CDH5: variants seen among roughly 807,000 people sequenced by gnomAD.
The protein encoded by CDH5 is cadherin-5.
A neutral mutation model predicts 62.0 loss-of-function variants in CDH5; 28 were observed. The ratio of observed to expected loss-of-function variants is 0.45; its 90% CI spans 0.33 to 0.62. CDH5 has a LOEUF of 0.62. CDH5 is among the 20% of genes least tolerant of loss of function. CDH5 has a pLI of 0.02. For synonymous variants in CDH5, 464 were observed against 445.8 expected (o/e 1.04, Z -0.52); for missense variants, 940 against 1,065.1 (o/e 0.88, Z 1.63).
rs376258137 is a variant in CDH5 at position 66,398,550 on chromosome 16, C to T, written c.1580C>T (p.Thr527Met). 1.6e-4 allele frequency: 251 copies of T among 1,525,860 alleles called. No homozygotes were observed. In the Middle Eastern group the frequency reaches 2.4e-3, roughly 14 times the overall value. The allele number at this position is 1,525,860 out of a possible 1,614,324, so 94.5% of individuals were successfully genotyped here. A position where few individuals can be genotyped will look rare whatever the true frequency, so the allele number is the denominator to read the frequency against. ...ILNTENNFTL[T>M]DNHDNTANIT... is the part of the protein sequence containing the mutation. ...AATACTGAGAACAACTTTACCCTCA[C>T]GGATAATCACGGTAGGCATCAAAGT... Residue 527 changes from threonine (T) to methionine (M), a missense_variant, in exon 10 of 12, where the codon ACG becomes ATG. Transcript: ENST00000341529.
chr16:66,372,826 C>T (rs1030805209), intron 1 of CDH5, among the ~76,000 whole-genome samples: 3 of 152,202 alleles, frequency 2.0e-5, no homozygotes, highest in African/African-American at 7.2e-5. Context: ...ATTCGGGCCA[C>T]TCACTCCGTC....
intron 2 of CDH5, among the ~76,000 whole-genome samples, 190 bp from the exon 3 acceptor site, chr16:66,386,619 T>G (rs957862164): frequency 6.6e-6 from 1 of 152,062 alleles, no homozygotes; most frequent in African/African-American, 2.4e-5. Flanking sequence ...GGACATGATT[T>G]TATTCTTTTT....
rs149704317 is a variant in CDH5 at position 66,373,377 on chromosome 16, C to G, written c.-19-5942C>G. ...GAAGGAACATCTGTCCAACAAGACCCTTCCCTGCAGCCCCCATTTTGGTTA... is the reference window on the plus strand; with the variant it reads ...GAAGGAACATCTGTCCAACAAGACCGTTCCCTGCAGCCCCCATTTTGGTTA... On this transcript the variant is annotated intron_variant, in intron 1 of 11. Transcript: ENST00000341529. Among the ~76,000 whole-genome samples the G allele has an allele frequency of 8.5e-4, 129 of 151,802 alleles. 1 individual carries two copies. The highest frequency in any genetic ancestry group is 6.9e-3 in the Middle Eastern group (2 of 290).
At chr16:66,369,953 G>T (rs1006567716) in intron 1 of CDH5, among the ~76,000 whole-genome samples, 1 of 151,808 alleles carries the variant, frequency 6.6e-6, no homozygotes, top group African/African-American at 2.4e-5. Flanking sequence ...CCCTGCTCAG[G>T]GGTGTTTGCA....
At chr16:66,376,159 C>A (rs1352340021) in intron 1 of CDH5, among the ~76,000 whole-genome samples, 1 of 152,024 alleles carries the variant, frequency 6.6e-6, no homozygotes, top group Non-Finnish European at 1.5e-5. Flanking sequence ...ACTTTTGCAC[C>A]AACCTAATAT....
chr16:66,393,192 G>A lies in CDH5; in HGVS notation c.1217+809G>A, dbSNP rs142302886. Among the ~76,000 whole-genome samples the A allele has an allele frequency of 2.0e-3, 307 of 152,254 alleles. 2 individuals carry two copies. Among genetic ancestry groups the A allele is most frequent in the African/African-American group, 7.1e-3 (296 of 41,534 alleles). ...CATTTACTAAATATTATAATAATAA[G>A]TCATCGTTTTCCCACCTTCATTATA... is the stretch of plus-strand genomic sequence containing the variant. On this transcript the variant is annotated intron_variant, in intron 7 of 11. Transcript: ENST00000341529.
Position 66,390,609 on chromosome 16 carries a change from A to C in CDH5, c.969+19A>C. On this transcript the variant is annotated intron_variant, in intron 6 of 11. Coordinates refer to ENST00000341529, the MANE Select transcript of CDH5 (RefSeq NM_001795.5). ...CATGAAGGTTTGTAGGCCAATGGCA[A>C]CAATGTCAAACGTGAGGCTTGGGGC... 6.2e-7 allele frequency: 1 copy of C among 1,611,384 alleles called. No homozygotes were observed. The highest frequency in any genetic ancestry group is 8.5e-7 in the Non-Finnish European group (1 of 1,177,930).
chr16:66,383,830 G>A (rs924421063), intron 2 of CDH5, among the ~76,000 whole-genome samples: 6 of 151,996 alleles, frequency 3.9e-5, no homozygotes, highest in Non-Finnish European at 7.4e-5. Context: ...CACCCTGCCC[G>A]ACCAAGGGGG....
intron 7 of CDH5, among the ~76,000 whole-genome samples, chr16:66,394,173 C>T (rs939165413): frequency 9.2e-5 from 14 of 152,156 alleles, no homozygotes; most frequent in Non-Finnish European, 2.1e-4. Flanking sequence ...AGGTTTGCAA[C>T]TATTTTACCT....
At chr16:66,393,183 T>C (rs1275722791) in intron 7 of CDH5, among the ~76,000 whole-genome samples, 1 of 152,252 alleles carries the variant, frequency 6.6e-6, no homozygotes, top group African/African-American at 2.4e-5. Context: ...CTAAATATTA[T>C]AATAATAAGT....
At chr16:66,372,680 G>A (rs1243012265) in intron 1 of CDH5, among the ~76,000 whole-genome samples, 1 of 152,158 alleles carries the variant, frequency 6.6e-6, no homozygotes, top group East Asian at 1.9e-4. Context: ...CCCACCCACG[G>A]TAGATACAGA....
chr16:66,385,312 G>T (rs190355757), intron 2 of CDH5, among the ~76,000 whole-genome samples: 1 of 152,270 alleles, frequency 6.6e-6, no homozygotes, highest in East Asian at 1.9e-4. Context: ...CCTGTTTGGT[G>T]TAAGATGCTT....
In CDH5 at chr16:66,386,678, G is replaced by C. The variant is rs73590637; in HGVS notation, c.211-131G>C. On this transcript the variant is annotated intron_variant, in intron 2 of 11. Coordinates refer to ENST00000341529, the MANE Select transcript of CDH5 (RefSeq NM_001795.5). ...AAAAAATCTCAGTATCATATTTAGG[G>C]ACCCTGGCCAGCACCACACACACCA... 5,602 of 729,560 alleles carry C rather than the reference G, an allele frequency of 7.7e-3. 219 individuals carry two copies. In the African/African-American group the frequency reaches 0.088, roughly 12 times the overall value. 45.2% of individuals were successfully genotyped at this position (729,560 alleles called of 1,614,324 possible).
chr16:66,389,793 T>A (rs954604433), intron 5 of CDH5, among the ~76,000 whole-genome samples: 3 of 152,056 alleles, frequency 2.0e-5, no homozygotes, highest in African/African-American at 7.3e-5. Context: ...CTGTACTGTG[T>A]CCCACCATGA....
intron 2 of CDH5, among the ~76,000 whole-genome samples, chr16:66,385,108 A>G (rs1960961121): frequency 6.6e-6 from 1 of 152,164 alleles, no homozygotes. Context: ...GCACCAAGTT[A>G]TATTTTTTAA....
In CDH5 at chr16:66,403,097, C is replaced by G; in HGVS notation, c.2283C>G (p.Asn761Lys). 2 of 1,613,788 alleles carry G rather than the reference C, an allele frequency of 1.2e-6. No homozygotes were observed. Among genetic ancestry groups the G allele is most frequent in the East Asian group, 2.2e-5 (1 of 44,874 alleles). Residue 761 changes from asparagine to lysine, a missense_variant, in exon 12 of 12, where the codon AAC becomes AAG. By Grantham distance (94) the Asn-to-Lys change is moderately conservative (BLOSUM62 0). Coordinates refer to ENST00000341529, the MANE Select transcript of CDH5 (RefSeq NM_001795.5). The surrounding 1 kb of genome is among the most constrained non-coding windows in gnomAD (Gnocchi z 4.3). ...CTGACGTGGATTACGACTTCCTTAA[C>G]GACTGGGGACCCAGGTTTAAGATGC... ...SDSDVDYDFL[N>K]DWGPRFKMLA...
chr16:66,395,778 G>A (rs2142337881), intron 7 of CDH5: 1 of 292,704 alleles, frequency 3.4e-6, no homozygotes, highest in Non-Finnish European at 6.3e-6. Flanking sequence ...CAGCTATGGT[G>A]TGATGTCACC....
chr16:66,370,829 G>A (rs1346122159), intron 1 of CDH5, among the ~76,000 whole-genome samples: 1 of 152,354 alleles, frequency 6.6e-6, no homozygotes, highest in Non-Finnish European at 1.5e-5. Flanking sequence ...GAGAGGAAGG[G>A]CATTGTGCAT....
intron 1 of CDH5, among the ~76,000 whole-genome samples, chr16:66,371,655 C>A (rs1567459182): frequency 1.3e-5 from 2 of 152,158 alleles, no homozygotes; most frequent in African/African-American, 4.8e-5. Flanking sequence ...TGCCCCACCC[C>A]TGAGGCCCTC....
Sources: allele counts gnomAD v4.1 joint callset (sites outside exome capture counted in the v4.1 genomes callset), GRCh38; gene constraint gnomAD v4.1.1; non-coding constraint Gnocchi (gnomAD v3.1); transcripts MANE v1.5; gene names NCBI Gene and HGNC (gene_info 2026-07-23, HGNC 2026-07-21).